PTGER3: variants seen among roughly 807,000 people sequenced by gnomAD.
The protein encoded by PTGER3 is prostaglandin E receptor 3.
In PTGER3, 22 loss-of-function variants were observed where a neutral mutation model predicts 34.7. The observed-to-expected ratio is 0.63, with a 90% CI of 0.45 to 0.91. The LOEUF is 0.91. PTGER3 is among the 40% of genes least tolerant of loss of function. The pLI, the probability that PTGER3 is intolerant of heterozygous loss-of-function variation, is 0.00. For synonymous variants in PTGER3, 241 were observed against 230.1 expected (o/e 1.05, Z -0.43); for missense variants, 468 against 519.4 (o/e 0.90, Z 0.96).
intron 3 of PTGER3, among the ~76,000 whole-genome samples, chr1:70,973,006 T>C (rs1653250097): frequency 6.6e-6 from 1 of 151,992 alleles, no homozygotes; most frequent in Non-Finnish European, 1.5e-5. Context: ...AAATTAAAAA[T>C]GGAGTTAGAG....
chr1:71,044,016 C>T (rs978254514), intron 1 of PTGER3, among the ~76,000 whole-genome samples: 10 of 151,408 alleles, frequency 6.6e-5, no homozygotes, highest in African/African-American at 2.4e-4. Flanking sequence ...GGGGTTTGGC[C>T]ATGTTGGAAT....
chr1:70,910,906 C>T (rs1299271148), intron 4 of PTGER3, among the ~76,000 whole-genome samples: 4 of 151,824 alleles, frequency 2.6e-5, no homozygotes, highest in Non-Finnish European at 5.9e-5. Context: ...CATGGTGAAA[C>T]CCCATCTCTA....
intron 4 of PTGER3, among the ~76,000 whole-genome samples, chr1:70,863,291 G>C (rs1645967979): frequency 6.6e-6 from 1 of 152,256 alleles, no homozygotes; most frequent in Admixed American, 6.5e-5. Context: ...AAATAGCAAA[G>C]TGTGATATCA....
chr1:71,026,211 C>T (rs1209111933), intron 1 of PTGER3, among the ~76,000 whole-genome samples: 2 of 152,170 alleles, frequency 1.3e-5, no homozygotes, highest in Non-Finnish European at 1.5e-5. Context: ...ACAGCTAACT[C>T]TTGTCCTGTT....
rs778300598 is a variant in PTGER3 at position 70,971,340 on chromosome 1, C to T, written c.*390G>A. On this transcript the variant is annotated 3_prime_UTR_variant, in exon 4 of 4. Transcript: ENST00000306666. Reference sequence around the variant, plus strand: ...CATAAGCTTATACTGATTTTTCAAACTCATATTGCAAAAGCAAGCTATCAT... The same window carrying T: ...CATAAGCTTATACTGATTTTTCAAATTCATATTGCAAAAGCAAGCTATCAT... 2 of 996,420 alleles carry T rather than the reference C, an allele frequency of 2.0e-6. No homozygotes were observed. The highest frequency in any genetic ancestry group is 3.5e-5 in the African/African-American group (2 of 57,658). 61.7% of individuals were successfully genotyped at this position (996,420 alleles called of 1,614,324 possible).
At chr1:70,996,905 G>T (rs1009522127) in intron 2 of PTGER3, among the ~76,000 whole-genome samples, 2 of 152,026 alleles carry the variant, frequency 1.3e-5, no homozygotes, top group African/African-American at 2.4e-5. Context: ...CTCGTGATCC[G>T]CCCGCCTTGG....
At chr1:70,859,219 A>G (rs1399314301) in intron 4 of PTGER3, among the ~76,000 whole-genome samples, 1 of 152,222 alleles carries the variant, frequency 6.6e-6, no homozygotes, top group Non-Finnish European at 1.5e-5. Flanking sequence ...TATTCCTTAG[A>G]AAGAGCAAAG....
At chr1:70,853,197 C>G (rs1361459244) in intron 4 of PTGER3, among the ~76,000 whole-genome samples, 1 of 152,158 alleles carries the variant, frequency 6.6e-6, no homozygotes, top group Non-Finnish European at 1.5e-5. Flanking sequence ...TCAGAATCTT[C>G]CATTTGCAGA....
chr1:71,027,314 C>T (rs10889905), intron 1 of PTGER3, among the ~76,000 whole-genome samples: 17,996 of 151,866 alleles, frequency 0.12, 1,464 homozygotes, highest in East Asian at 0.23. Flanking sequence ...GCCACCATGC[C>T]GGGTTAATTT....
Position 71,047,362 on chromosome 1 carries a change from G to T in PTGER3, c.216C>A (p.Leu72=). The change falls in exon 1 of 4, where the codon CTC becomes CTA. Residue 72 remains leucine (L), a synonymous_variant. Transcript: ENST00000306666. ...GFVGNALAML[L]VSRSYRRRES... is the part of the protein sequence containing the mutation. ...CCCGGCGCCGGTAGCTGCGCGACAC[G>T]AGCAGCATGGCCAGTGCGTTGCCCA... 1 of 1,610,272 alleles carries T rather than the reference G, an allele frequency of 6.2e-7. No homozygotes were observed. Among genetic ancestry groups the T allele is most frequent in the Non-Finnish European group, 8.5e-7 (1 of 1,178,974 alleles).
chr1:71,025,841 C>T (rs771721760), intron 1 of PTGER3, among the ~76,000 whole-genome samples: 1 of 152,140 alleles, frequency 6.6e-6, no homozygotes, highest in African/African-American at 2.4e-5. Flanking sequence ...GTTAACATGG[C>T]TCTCTTTGGA....
At chr1:71,008,174 G>A (rs1376932077) in intron 2 of PTGER3, 1 of 955,242 alleles carries the variant, frequency 1.0e-6, no homozygotes, top group Non-Finnish European at 1.2e-6. Context: ...GGAGAAAACA[G>A]TGTAGTTTCA....
chr1:70,952,546 A>G (rs1002396942), exon 4 of PTGER3: 25 of 993,732 alleles, frequency 2.5e-5, no homozygotes, highest in Non-Finnish European at 2.9e-5. Flanking sequence ...CACCCTTTAC[A>G]TATTTCTTCT....
In PTGER3 at chr1:71,047,299, G is replaced by A. The variant is rs752307770; in HGVS notation, c.279C>T (p.Gly93=). The change falls in exon 1 of 4, where the codon GGC becomes GGT. Residue 93 remains glycine (G), a synonymous_variant. Transcript: ENST00000306666. ...KRKKSFLLCI[G]WLALTDLVGQ... is the part of the protein sequence containing the mutation. Reference sequence around the variant, plus strand: ...CGACCAGGTCGGTGAGCGCCAGCCAGCCGATGCACAGCAGGAAGGACTTCT... The same window carrying A: ...CGACCAGGTCGGTGAGCGCCAGCCAACCGATGCACAGCAGGAAGGACTTCT... 2.8e-5 allele frequency: 45 copies of A among 1,603,368 alleles called. No individual in the cohort carries two copies. In the East Asian group the frequency reaches 5.6e-4, roughly 20 times the overall value.
At chr1:70,976,157 T>C (rs1315856916) in intron 2 of PTGER3, among the ~76,000 whole-genome samples, 5 of 151,926 alleles carry the variant, frequency 3.3e-5, no homozygotes, top group African/African-American at 1.2e-4. Context: ...GCAAGGTAGT[T>C]TGTCAAGAGC....
intron 3 of PTGER3, among the ~76,000 whole-genome samples, chr1:70,972,074 T>TCCCA (rs1175572381): frequency 2.0e-5 from 3 of 152,160 alleles, no homozygotes; most frequent in Non-Finnish European, 4.4e-5. Context: ...ATGCCTGTAA[T>TCCCA]CCCAGCATTT....
At chr1:70,950,775 T>A (rs1173721681), downstream of PTGER3, 3 of 152,298 alleles carry the variant, frequency 2.0e-5, no homozygotes, top group South Asian at 6.2e-4. Flanking sequence ...CTTGGCTCAC[T>A]GCAACCTCCA....
chr1:70,894,336 G>GT (rs1303072201), intron 4 of PTGER3, among the ~76,000 whole-genome samples: 22 of 121,026 alleles, frequency 1.8e-4, no homozygotes, highest in Non-Finnish European at 3.6e-4. Context: ...AAAAAAAAGA[G>GT]TGCCTGATAA....
At chr1:71,039,682 A>G (rs992552628) in intron 1 of PTGER3, among the ~76,000 whole-genome samples, 1 of 151,720 alleles carries the variant, frequency 6.6e-6, no homozygotes, top group African/African-American at 2.4e-5. Flanking sequence ...AAAAAAAGAA[A>G]GAAAAATTAG....
Sources: allele counts gnomAD v4.1 joint callset (sites outside exome capture counted in the v4.1 genomes callset), GRCh38; gene constraint gnomAD v4.1.1; transcripts MANE v1.5; gene names NCBI Gene and HGNC (gene_info 2026-07-23, HGNC 2026-07-21).